DNAH14: variants seen among roughly 807,000 people sequenced by gnomAD.
DNAH14 encodes axonemal beta dynein heavy chain 14.
A neutral mutation model predicts 520.9 loss-of-function variants in DNAH14; 478 were observed. That is an observed-to-expected ratio of 0.92 (90% CI 0.85 to 0.99). DNAH14 has a LOEUF of 0.99. Ranked by LOEUF, DNAH14 falls within the 50% of genes least tolerant of loss-of-function variation. The pLI is 0.00. For synonymous variants in DNAH14, 1,581 were observed against 1,757.2 expected (o/e 0.90, Z 2.51); for missense variants, 4,831 against 5,234.5 (o/e 0.92, Z 2.38).
In DNAH14 at chr1:225,270,824, A is replaced by G. The variant is rs1318458380; in HGVS notation, c.7629A>G (p.Val2543=). The stretch of plus-strand genomic sequence containing the variant: ...TTCTCAAACACTTTTCCATGCTGGT[A>G]TTACCTCATCCTTCACAAGACATCT... ...PRLLKHFSML[V]LPHPSQDILC... is the part of the protein sequence containing the mutation. The change falls in exon 50 of 86, where the codon GTA becomes GTG. Residue 2543 remains valine, a synonymous_variant. Transcript: ENST00000682510. 4 of 1,551,230 alleles carry G rather than the reference A, an allele frequency of 2.6e-6. No individual in the cohort carries two copies.
At chr1:225,030,786 AT>A (rs1479486371) in intron 11 of DNAH14, among the ~76,000 whole-genome samples, 1 of 152,000 alleles carries the variant, frequency 6.6e-6, no homozygotes, top group Non-Finnish European at 1.5e-5. Context: ...TAATTTTATA[AT>A]AAGTCTTGAA....
intron 7 of DNAH14, among the ~76,000 whole-genome samples, chr1:224,973,295 A>T (rs1336595387): frequency 1.4e-5 from 2 of 145,528 alleles, no homozygotes; most frequent in Non-Finnish European, 3.0e-5. Context: ...CTTCTCAGAC[A>T]CACCCCTATC....
At chr1:225,122,795 T>C (rs1249807891) in intron 26 of DNAH14, among the ~76,000 whole-genome samples, 1 of 152,084 alleles carries the variant, frequency 6.6e-6, no homozygotes, top group East Asian at 1.9e-4. Context: ...AAAACAAAAA[T>C]AGATACCATT....
In DNAH14 at chr1:225,040,914, C is replaced by T. The variant is rs1346953879; in HGVS notation, c.1489-1921C>T. On this transcript the variant is annotated intron_variant, in intron 12 of 85. Transcript: ENST00000682510. The stretch of plus-strand genomic sequence containing the variant: ...TGTCAATCAGATAGGTGTGAAATGG[C>T]ATTTTGCCAAAGTTTTAATTTGAAT... Among the ~76,000 whole-genome samples, 3 of 152,336 alleles carry T rather than the reference C, an allele frequency of 2.0e-5. No individual in the cohort carries two copies. The East Asian group carries it at 5.8e-4, about 29-fold the overall frequency.
chr1:224,949,526 C>T (rs1420318559), intron 1 of DNAH14, among the ~76,000 whole-genome samples: 1 of 152,096 alleles, frequency 6.6e-6, no homozygotes, highest in East Asian at 1.9e-4. Context: ...TTACTTTATT[C>T]TTTGTAATAG....
intron 38 of DNAH14, among the ~76,000 whole-genome samples, chr1:225,201,873 CTT>C (rs35342713): frequency 2.4e-5 from 3 of 122,542 alleles, no homozygotes; most frequent in Non-Finnish European, 3.3e-5. Context: ...TTCTTTCTTC[CTT>C]TTTTTTTTTT....
At chr1:225,030,649 T>C (rs1223572421) in intron 11 of DNAH14, among the ~76,000 whole-genome samples, 1 of 151,952 alleles carries the variant, frequency 6.6e-6, no homozygotes, top group Non-Finnish European at 1.5e-5. Context: ...CTCCAGACAA[T>C]TACCCTAACA....
At chr1:225,094,008 A>G (rs1205881439) in intron 21 of DNAH14, among the ~76,000 whole-genome samples, 1 of 152,216 alleles carries the variant, frequency 6.6e-6, no homozygotes, top group Non-Finnish European at 1.5e-5. Flanking sequence ...AAACCATTCC[A>G]TGCTCATGGA....
chr1:225,044,487 C>G (rs1216827551), intron 15 of DNAH14, among the ~76,000 whole-genome samples: 1 of 152,056 alleles, frequency 6.6e-6, no homozygotes, highest in Non-Finnish European at 1.5e-5. Context: ...GTCATGTCAC[C>G]ATAGTTTGCT....
At chr1:225,030,522 T>C (rs2148099326) in intron 11 of DNAH14, among the ~76,000 whole-genome samples, 1 of 152,132 alleles carries the variant, frequency 6.6e-6, no homozygotes, top group South Asian at 2.1e-4. Flanking sequence ...CTGGATATTA[T>C]ATCTGTTATC....
At position 225,340,072 on chromosome 1, in the gene DNAH14, A is replaced by T. The variant is rs145142476; in HGVS notation, c.10434-385A>T. Among the ~76,000 whole-genome samples the T allele has an allele frequency of 7.1e-3, 1,086 of 151,954 alleles. 2 individuals are homozygous for T. Among genetic ancestry groups the T allele is most frequent in the Non-Finnish European group, 0.012 (811 of 67,964 alleles). On this transcript the variant is annotated intron_variant, in intron 68 of 85. Coordinates refer to ENST00000682510, the MANE Select transcript of DNAH14 (RefSeq NM_001367479.1). Reference sequence around the variant, plus strand: ...AGCTATTGAAATTTTTTTTTAAATGATAGCTGCTAGAGAAGTCTGATTTAA... The same window carrying T: ...AGCTATTGAAATTTTTTTTTAAATGTTAGCTGCTAGAGAAGTCTGATTTAA...
chr1:225,333,383 T>G lies in DNAH14; in HGVS notation c.9957T>G (p.Ser3319Arg), dbSNP rs1394515971. ...ILLSAACIVY[S>R]GILTPEFRQL... Reference sequence around the variant, plus strand: ...TTTCAGCAGCGTGCATTGTCTACAGTGGAATTTTAACACCAGAATTTCGCC... The same window carrying G: ...TTTCAGCAGCGTGCATTGTCTACAGGGGAATTTTAACACCAGAATTTCGCC... Residue 3319 changes from serine to arginine, a missense_variant, in exon 66 of 86, where the codon AGT becomes AGG. By Grantham distance (110) the Ser-to-Arg change is moderately radical. Transcript: ENST00000682510. 2.6e-6 allele frequency: 4 copies of G among 1,551,758 alleles called. No individual in the cohort carries two copies. Among genetic ancestry groups the G allele is most frequent in the Admixed American group, 2.0e-5 (1 of 51,000 alleles).
chr1:225,213,774 C>G (rs1480915903), intron 41 of DNAH14, among the ~76,000 whole-genome samples: 3 of 152,162 alleles, frequency 2.0e-5, no homozygotes, highest in Non-Finnish European at 4.4e-5. Context: ...TGAGACTTTG[C>G]TGAAGTTGCA....
Position 225,380,147 on chromosome 1 carries a change from T to G in DNAH14, c.12717-12T>G, listed in dbSNP as rs569729986. Reference sequence around the variant, plus strand: ...GTTCTGTGTCTCATTCTTCTCTTGGTTTTTTTTGCAGACCTGAGCAGAGTA... The same window carrying G: ...GTTCTGTGTCTCATTCTTCTCTTGGGTTTTTTTGCAGACCTGAGCAGAGTA... On this transcript the variant is annotated splice_polypyrimidine_tract_variant and intron_variant, in intron 79 of 85. Coordinates refer to ENST00000682510, the MANE Select transcript of DNAH14 (RefSeq NM_001367479.1). 538 of 1,529,374 alleles carry G rather than the reference T, an allele frequency of 3.5e-4. No homozygotes were observed. The highest frequency in any genetic ancestry group is 4.6e-4 in the Non-Finnish European group (520 of 1,135,704). 94.7% of individuals were successfully genotyped at this position (1,529,374 alleles called of 1,614,324 possible).
At chr1:224,940,554 G>A (rs887101141) in intron 1 of DNAH14, among the ~76,000 whole-genome samples, 6 of 151,726 alleles carry the variant, frequency 4.0e-5, no homozygotes, top group Admixed American at 1.3e-4. Context: ...AAGTTTTAGG[G>A]TACATGTGCA....
chr1:225,171,492 C>T (rs1354741230), intron 36 of DNAH14, among the ~76,000 whole-genome samples: 2 of 152,148 alleles, frequency 1.3e-5, no homozygotes, highest in African/African-American at 4.8e-5. Context: ...CTATAAACAC[C>T]TCTATGCAAA....
intron 47 of DNAH14, 51 bp from the exon 48 acceptor site, chr1:225,265,130 TG>T (rs2093065181): frequency 1.6e-6 from 2 of 1,264,392 alleles, no homozygotes; most frequent in Admixed American, 7.7e-5. Context: ...AAGGCAAAAA[TG>T]TTCTTAAAGT....
rs144947354 is a variant in DNAH14 at position 225,394,318 on chromosome 1, G to C, written c.13491+1867G>C. Among the ~76,000 whole-genome samples the C allele has an allele frequency of 3.5e-3, 532 of 152,226 alleles. 2 individuals carry two copies. Among genetic ancestry groups the C allele is most frequent in the Middle Eastern group, 6.8e-3 (2 of 294 alleles). The stretch of plus-strand genomic sequence containing the variant: ...AAGCTGTCAGGTACATGTATTGAAA[G>C]CATCTTCTCCCAGTGTGTGACTTTC... On this transcript the variant is annotated intron_variant, in intron 84 of 85. Coordinates refer to ENST00000682510, the MANE Select transcript of DNAH14 (RefSeq NM_001367479.1).
rs67437504 is a variant in DNAH14, at chr1:224,951,644, ATTTTT to A, written c.-33-1006_-33-1002del. 5.6e-4 allele frequency among the ~76,000 whole-genome samples: 45 copies of A among 80,146 alleles called. 1 individual carries two copies. Among genetic ancestry groups the A allele is most frequent in the South Asian group, 3.5e-3 (8 of 2,290 alleles). The allele number at this position is 80,146 out of a possible 152,430, so 52.6% of individuals were successfully genotyped here. On this transcript the variant is annotated intron_variant, in intron 1 of 85. Transcript: ENST00000682510. Reference sequence around the variant, plus strand: ...TCATACCTACTGTGTAGATTTCTGGATTTTTTTTTTTTTTTTTTTTTTTTGAGACG... The same window carrying A: ...TCATACCTACTGTGTAGATTTCTGGATTTTTTTTTTTTTTTTTTTGAGACG...
Sources: allele counts gnomAD v4.1 joint callset (sites outside exome capture counted in the v4.1 genomes callset), GRCh38; gene constraint gnomAD v4.1.1; transcripts MANE v1.5; gene names NCBI Gene and HGNC (gene_info 2026-07-23, HGNC 2026-07-21).